RAB11FIP2: variants seen among roughly 807,000 people sequenced by gnomAD.
RAB11FIP2 encodes rab11 family-interacting protein 2.
A neutral mutation model predicts 40.9 loss-of-function variants in RAB11FIP2; 16 were observed. That is an observed-to-expected ratio of 0.39 (90% CI 0.26 to 0.59). The LOEUF is 0.59. RAB11FIP2 is among the 20% of genes least tolerant of loss of function. The pLI is 0.53. For synonymous variants in RAB11FIP2, 228 were observed against 213.7 expected (o/e 1.07, Z -0.58); for missense variants, 532 against 606.2 (o/e 0.88, Z 1.28).
At chr10:118,033,403 G>A (rs1365063246) in intron 3 of RAB11FIP2, among the ~76,000 whole-genome samples, 1 of 152,044 alleles carries the variant, frequency 6.6e-6, no homozygotes, top group Admixed American at 6.6e-5. Context: ...AGAGGATTCT[G>A]CACAACTGTT....
chr10:118,041,615 A>T (rs1031688002), intron 1 of RAB11FIP2, among the ~76,000 whole-genome samples: 1 of 152,132 alleles, frequency 6.6e-6, no homozygotes. Flanking sequence ...ATATAGCTCT[A>T]ATCGAGTGTA....
intron 3 of RAB11FIP2, among the ~76,000 whole-genome samples, chr10:118,022,070 T>TG (rs1161694188): frequency 6.6e-6 from 1 of 152,238 alleles, no homozygotes; most frequent in African/African-American, 2.4e-5. Context: ...AGAACAGTTC[T>TG]GTCTGGTTTT....
chr10:118,036,306 C>G (rs1261989200), intron 3 of RAB11FIP2, among the ~76,000 whole-genome samples: 1 of 152,006 alleles, frequency 6.6e-6, no homozygotes, highest in Non-Finnish European at 1.5e-5. Context: ...GTCCAGGAAA[C>G]TGTAAATAGG....
At chr10:118,029,549 G>C (rs1022016221) in intron 3 of RAB11FIP2, among the ~76,000 whole-genome samples, 1 of 151,978 alleles carries the variant, frequency 6.6e-6, no homozygotes, top group African/African-American at 2.4e-5. Flanking sequence ...CTTTTTCTAT[G>C]AGCACAAAGA....
chr10:118,036,261 C>A (rs1157897642), intron 3 of RAB11FIP2, among the ~76,000 whole-genome samples: 2 of 151,964 alleles, frequency 1.3e-5, no homozygotes, highest in Non-Finnish European at 2.9e-5. Flanking sequence ...TACCCTTAAC[C>A]TTGTTCAGCA....
chr10:118,036,476 C>T (rs1026877091), intron 3 of RAB11FIP2, among the ~76,000 whole-genome samples: 4 of 152,090 alleles, frequency 2.6e-5, no homozygotes, highest in Admixed American at 2.0e-4. Flanking sequence ...TATACTGTTA[C>T]GTAAAGACAA....
At chr10:118,044,394 T>A (rs989781314) in intron 1 of RAB11FIP2, among the ~76,000 whole-genome samples, 3 of 152,184 alleles carry the variant, frequency 2.0e-5, no homozygotes, top group Non-Finnish European at 4.4e-5. Context: ...AATTGGCAAT[T>A]TGAAACAGAT....
chr10:118,038,776 T>C (rs895220341), intron 3 of RAB11FIP2, 196 bp downstream of exon 3: 13 of 504,696 alleles, frequency 2.6e-5, no homozygotes, highest in African/African-American at 1.8e-4. Context: ...GAGTCTTTTA[T>C]CTTCTTAAGA....
chr10:118,018,991 G>C (rs12764988), intron 3 of RAB11FIP2, among the ~76,000 whole-genome samples: 1 of 150,524 alleles, frequency 6.6e-6, no homozygotes, highest in Non-Finnish European at 1.5e-5. Flanking sequence ...AAACTATTCA[G>C]AGTAAAAAGT....
intron 1 of RAB11FIP2, 103 bp downstream of exon 1, chr10:118,045,708 A>T (rs2133187009): frequency 1.1e-6 from 1 of 939,510 alleles, no homozygotes; most frequent in East Asian, 2.7e-5. Flanking sequence ...TCATATTTCA[A>T]TCCAAAAACC....
rs910849408 is a variant in RAB11FIP2 at position 118,042,229 on chromosome 10, C to A, written c.354-1664G>T. Among the ~76,000 whole-genome samples, 10 of 151,854 alleles carry A rather than the reference C, an allele frequency of 6.6e-5. No homozygotes were observed. The East Asian group carries it at 1.9e-3, about 29-fold the overall frequency. The stretch of plus-strand genomic sequence containing the variant: ...AAAAATTTGCAAACAAAAACGAGCA[C>A]GTATGTAACAAATCAAAGCAAATAT... On this transcript the variant is annotated intron_variant, in intron 1 of 4. Transcript: ENST00000355624.
At chr10:118,018,453 A>G (rs1376768732) in intron 3 of RAB11FIP2, among the ~76,000 whole-genome samples, 1 of 152,258 alleles carries the variant, frequency 6.6e-6, no homozygotes, top group African/African-American at 2.4e-5. Context: ...ACCTAGATAC[A>G]CTCACATTTA....
rs1457127281 is a variant in RAB11FIP2, at chr10:118,045,188, T to C, written c.353+623A>G. The stretch of plus-strand genomic sequence containing the variant: ...TCAATTCTGAATACAATAACTCTGA[T>C]GTAATTGCAAATTCAAAGGAAAATG... On this transcript the variant is annotated intron_variant, in intron 1 of 4. Coordinates refer to ENST00000355624, the MANE Select transcript of RAB11FIP2 (RefSeq NM_014904.3). 15 of 152,498 alleles carry C rather than the reference T, an allele frequency of 9.8e-5. No homozygotes were observed. In the East Asian group the frequency reaches 2.5e-3, roughly 25 times the overall value. The allele number at this position is 152,498 out of a possible 1,614,324, so 9.4% of individuals were successfully genotyped here. A position where few individuals can be genotyped will look rare whatever the true frequency, so the allele number is the denominator to read the frequency against.
At position 118,046,121 on chromosome 10, in the gene RAB11FIP2, C is replaced by G. The variant is rs756526285; in HGVS notation, c.43G>C (p.Val15Leu). The G allele has an allele frequency of 1.2e-6, 2 of 1,614,182 alleles. No individual in the cohort carries two copies. The highest frequency in any genetic ancestry group is 1.7e-5 in the Admixed American group (1 of 60,032). Reference protein sequence around the residue: ...EQAQKWFPTHVQVTVLQAKDL... With the variant: ...EQAQKWFPTHLQVTVLQAKDL... ...TTGGCTTGGAGCACTGTGACCTGCA[C>G]GTGGGTTGGAAACCACTTTTGGGCT... Residue 15 changes from valine (V) to leucine (L), a missense_variant, in exon 1 of 5, where the codon GTG becomes CTG. Coordinates refer to ENST00000355624, the MANE Select transcript of RAB11FIP2 (RefSeq NM_014904.3).
rs1222139135 is a variant in RAB11FIP2 at position 118,045,846 on chromosome 10, A to G, written c.318T>C (p.Asn106=). 3.1e-6 allele frequency: 5 copies of G among 1,613,064 alleles called. No homozygotes were observed. The highest frequency in any genetic ancestry group is 4.2e-6 in the Non-Finnish European group (5 of 1,179,374). Residue 106 remains asparagine, a synonymous_variant, in exon 1 of 5, where the codon AAT becomes AAC. Transcript: ENST00000355624. ...TTCTTTGTTTGTCCTCAAAGATGTC[A>G]TTGAGATTGATTGCCACCTGCCCTA... ...KFLGQVAINL[N]DIFEDKQRRK...
intron 1 of RAB11FIP2, chr10:118,045,288 A>G (rs1846613758): frequency 6.5e-6 from 1 of 153,986 alleles, no homozygotes; most frequent in Admixed American, 6.4e-5. Flanking sequence ...ATAGACTCCC[A>G]TCAAGGCACA....
At chr10:118,028,801 G>C (rs1015419875) in intron 3 of RAB11FIP2, among the ~76,000 whole-genome samples, 1 of 152,208 alleles carries the variant, frequency 6.6e-6, no homozygotes, top group Admixed American at 6.5e-5. Context: ...AATATATTTA[G>C]TAATGTCAAT....
At chr10:118,023,269 C>T (rs1162064703) in intron 3 of RAB11FIP2, among the ~76,000 whole-genome samples, 3 of 151,994 alleles carry the variant, frequency 2.0e-5, no homozygotes, top group Non-Finnish European at 4.4e-5. Context: ...TTCCAAAGCT[C>T]TAAAAAAGTG....
chr10:118,024,001 G>A lies in RAB11FIP2; in HGVS notation c.1266-8891C>T, dbSNP rs190480219. ...GCTACTCAGGAGGCTGAGGCAGGAG[G>A]ATTGCCTGAACCTGGGAGACGGAGG... On this transcript the variant is annotated intron_variant, in intron 3 of 4. Coordinates refer to ENST00000355624, the MANE Select transcript of RAB11FIP2 (RefSeq NM_014904.3). Among the ~76,000 whole-genome samples the A allele has an allele frequency of 4.6e-4, 69 of 151,472 alleles. 2 individuals are homozygous for A. In the East Asian group the frequency reaches 0.013, roughly 28 times the overall value.
Sources: gnomAD v4.1 joint callset for allele counts (sites outside exome capture counted in the v4.1 genomes callset) on GRCh38, gnomAD v4.1.1 for gene constraint, MANE v1.5 for transcripts, NCBI Gene and HGNC (gene_info 2026-07-23, HGNC 2026-07-21) for gene names.